The following DMD variants were observed in gnomAD, a reference collection of about 807,000 sequenced individuals.
The protein encoded by DMD is mutant dystrophin.
In DMD, 63 loss-of-function variants were observed where a neutral mutation model predicts 330.1. That is an observed-to-expected ratio of 0.19 (90% confidence interval 0.16 to 0.24). The LOEUF is 0.24. Ranked by LOEUF, DMD falls within the 10% of genes least tolerant of loss-of-function variation. The pLI, the probability that DMD is intolerant of heterozygous loss-of-function variation, is 1.00. For missense variants in DMD, 3,344 were observed against 2,684.1 expected, an observed-to-expected ratio of 1.25 and a Z score of -5.43; for synonymous variants, 1,223 against 959.8, an observed-to-expected ratio of 1.27 and a Z score of -5.07.
intron 2 of DMD, among the ~76,000 whole-genome samples, chrX:32,966,674 G>A (rs2092168484): frequency 9.0e-6 from 1 of 111,574 alleles, no homozygotes; most frequent in South Asian, 3.7e-4. Context: ...CATTGAAGAG[G>A]TTGACTGACA....
chrX:32,471,697 T>C (rs985990310), intron 22 of DMD, among the ~76,000 whole-genome samples: 1 of 111,905 alleles, frequency 8.9e-6, no homozygotes, highest in Non-Finnish European at 1.9e-5. Context: ...ATGCAAATAT[T>C]ACACCATTCA....
At chrX:31,483,509 G>T (rs754371862) in intron 57 of DMD, among the ~76,000 whole-genome samples, 1 of 112,347 alleles carries the variant, frequency 8.9e-6, no homozygotes, top group South Asian at 3.7e-4. Flanking sequence ...TTTGCCCATC[G>T]AGTTGTTGCC....
In DMD at chrX:31,121,640, C is replaced by T; in HGVS notation, c.*279G>A. On this transcript the variant is annotated 3_prime_UTR_variant, in exon 79 of 79. Coordinates refer to ENST00000357033, the MANE Select transcript of DMD (RefSeq NM_004006.3). ...GTAGTTTTCTTATAACTTTTTTGTA[C>T]AATTGCATAGACGTGTAAAACCTGC... is the stretch of plus-strand genomic sequence containing the variant. 2.6e-6 allele frequency: 1 copy of T among 379,477 alleles called. No individual in the cohort carries two copies. Among genetic ancestry groups the T allele is most frequent in the Non-Finnish European group, 4.6e-6 (1 of 219,676 alleles). 31.3% of individuals were successfully genotyped at this position (379,477 alleles called of 1,213,427 possible). A position where few individuals can be genotyped will look rare whatever the true frequency, so the allele number is the denominator to read the frequency against.
intron 63 of DMD, among the ~76,000 whole-genome samples, chrX:31,250,850 G>C (rs1208772599): frequency 9.0e-6 from 1 of 111,018 alleles, no homozygotes; most frequent in Non-Finnish European, 1.9e-5. Context: ...TTGGGAGGCG[G>C]AGGCTGGCAG....
intron 44 of DMD, chrX:32,206,161 T>C (rs779944302): frequency 3.9e-6 from 2 of 512,676 alleles, no homozygotes; most frequent in Admixed American, 4.6e-5. Flanking sequence ...CTTGAGGGCT[T>C]TGAAATAACA....
intron 43 of DMD, among the ~76,000 whole-genome samples, chrX:32,255,437 CAA>C (rs11296507): frequency 0.16 from 14,985 of 95,356 alleles, 924 homozygotes; most frequent in Admixed American, 0.29. Flanking sequence ...GTTGCTTTTG[CAA>C]AAAAAAAAAA....
intron 55 of DMD, among the ~76,000 whole-genome samples, chrX:31,540,969 T>C (rs1405482627): frequency 9.0e-6 from 1 of 111,635 alleles, no homozygotes; most frequent in Non-Finnish European, 1.9e-5. Context: ...CTTTTGAGAG[T>C]GTGGGAGAAA....
chrX:31,412,096 G>T (rs774911331), intron 60 of DMD, among the ~76,000 whole-genome samples: 83 of 102,165 alleles, frequency 8.1e-4, no homozygotes, highest in African/African-American at 2.9e-3. Context: ...TGAGGCAGAA[G>T]AATCACTTGA....
chrX:33,116,670 T>C (rs972637091), intron 1 of DMD, among the ~76,000 whole-genome samples: 1 of 111,618 alleles, frequency 9.0e-6, no homozygotes, highest in Non-Finnish European at 1.9e-5. Flanking sequence ...CAAAAGTTCA[T>C]AGAAAAAAGA....
chrX:32,857,285 C>T (rs780735475), intron 2 of DMD, among the ~76,000 whole-genome samples: 1 of 111,894 alleles, frequency 8.9e-6, no homozygotes, highest in Non-Finnish European at 1.9e-5. Context: ...AATCTTAAAA[C>T]AGTGCCATTT....
At chrX:31,659,639 GAAAAA>G (rs869195395) in intron 53 of DMD, among the ~76,000 whole-genome samples, 3 of 39,982 alleles carry the variant, frequency 7.5e-5, no homozygotes, top group Non-Finnish European at 9.5e-5. Context: ...CTCCATCTCG[GAAAAA>G]AAAAAAAAAA....
intron 6 of DMD, among the ~76,000 whole-genome samples, chrX:32,813,776 G>A (rs185158644): frequency 2.6e-4 from 29 of 111,110 alleles, no homozygotes; most frequent in African/African-American, 6.5e-4. Context: ...TGATTTTCTC[G>A]TTTTTCATAT....
chrX:32,682,351 G>A (rs186279480), intron 9 of DMD, among the ~76,000 whole-genome samples: 1 of 111,454 alleles, frequency 9.0e-6, no homozygotes, highest in East Asian at 2.8e-4. Flanking sequence ...TACATAGTAA[G>A]TGAACATATT....
chrX:32,742,919 A>G (rs1239776825), intron 7 of DMD, among the ~76,000 whole-genome samples: 2 of 111,942 alleles, frequency 1.8e-5, no homozygotes, highest in African/African-American at 3.2e-5. Flanking sequence ...AACGAAGGCC[A>G]AGAGAGGATA....
rs977748788 is a variant in DMD at position 32,802,319 on chromosome X, T to C, written c.649+7174A>G. Among the ~76,000 whole-genome samples the C allele has an allele frequency of 3.6e-5, 4 of 111,902 alleles. No individual in the cohort carries two copies. The Admixed American group carries it at 3.8e-4, about 11-fold the overall frequency. On this transcript the variant is annotated intron_variant, in intron 7 of 78. Transcript: ENST00000357033. ...GATTTGGCTGTTTATTATCGGTGTATAGGAATGCTTGTTATTTTTCCACAT... is the reference window on the plus strand; with the variant it reads ...GATTTGGCTGTTTATTATCGGTGTACAGGAATGCTTGTTATTTTTCCACAT...
chrX:32,310,868 T>G (rs1340589387), intron 41 of DMD, among the ~76,000 whole-genome samples: 1 of 110,917 alleles, frequency 9.0e-6, no homozygotes, highest in Non-Finnish European at 1.9e-5. Context: ...CTAATGAAGC[T>G]GCTATATGAG....
At chrX:32,009,498 C>G (rs2095689045) in intron 44 of DMD, among the ~76,000 whole-genome samples, 1 of 111,892 alleles carries the variant, frequency 8.9e-6, no homozygotes, top group Non-Finnish European at 1.9e-5. Context: ...ATTATGTTGA[C>G]TACATATTCA....
chrX:31,934,202 G>A (rs897781963), intron 45 of DMD, among the ~76,000 whole-genome samples: 4 of 111,907 alleles, frequency 3.6e-5, no homozygotes, highest in African/African-American at 6.5e-5. Context: ...GAGTCTTGAA[G>A]CATGAAGATA....
intron 1 of DMD, among the ~76,000 whole-genome samples, chrX:33,024,794 T>C (rs1206102236): frequency 8.9e-6 from 1 of 112,127 alleles, no homozygotes; most frequent in Non-Finnish European, 1.9e-5. Context: ...TGGCTTCCAG[T>C]GGCTTTGCAG....
Sources: gnomAD v4.1 joint callset for allele counts (sites outside exome capture counted in the v4.1 genomes callset) on GRCh38, gnomAD v4.1.1 for gene constraint, MANE v1.5 for transcripts, NCBI Gene and HGNC (gene_info 2026-07-23, HGNC 2026-07-21) for gene names.